Variants in TCERG1L observed in about 807,000 individuals in gnomAD.
TCERG1L encodes the protein transcription elongation regulator 1-like protein.
A neutral mutation model predicts 56.3 loss-of-function variants in TCERG1L; 37 were observed. The observed-to-expected ratio is 0.66, with a 90% confidence interval of 0.51 to 0.87. The LOEUF (loss-of-function observed/expected upper bound fraction) is 0.87, where lower values mean the gene tolerates loss of function less well. Among genes scored for constraint, TCERG1L ranks in the 40% least tolerant of loss-of-function variants. The probability of loss-of-function intolerance (pLI) is 0.00; values close to 1 mark genes in which losing one functional copy is unlikely to be tolerated. For synonymous variants in TCERG1L, 324 were observed against 326.3 expected (o/e 0.99, Z 0.08); for missense variants, 799 against 774.2 (o/e 1.03, Z -0.38).
chr10:131,283,921 G>A (rs139392437), intron 3 of TCERG1L, among the ~76,000 whole-genome samples: 3,845 of 151,990 alleles, frequency 0.025, 88 homozygotes, highest in East Asian at 0.075. Context: ...TCAGGAGTTC[G>A]AGACCAGGCT....
In TCERG1L at chr10:131,147,180, G is replaced by A. The variant is rs368278900; in HGVS notation, c.1035-520C>T. Among the ~76,000 whole-genome samples, 57 of 152,196 alleles carry A rather than the reference G, an allele frequency of 3.7e-4. 1 individual carries two copies. The East Asian group carries it at 8.5e-3, about 23-fold the overall frequency. On this transcript the variant is annotated intron_variant, in intron 6 of 11. Transcript: ENST00000368642. Reference sequence around the variant, plus strand: ...TGCTGTCATTAGCAACCACAGCCCCGGTGTCCTGCTCATTTGTGGATGGGC... The same window carrying A: ...TGCTGTCATTAGCAACCACAGCCCCAGTGTCCTGCTCATTTGTGGATGGGC...
intron 6 of TCERG1L, among the ~76,000 whole-genome samples, chr10:131,154,819 C>G (rs1016473921): frequency 1.4e-4 from 21 of 152,258 alleles, no homozygotes; most frequent in Non-Finnish European, 2.6e-4. Flanking sequence ...GACAAGGACA[C>G]GAGCGTGCAA....
At chr10:131,127,016 T>C (rs1012786905) in intron 8 of TCERG1L, among the ~76,000 whole-genome samples, 2 of 152,162 alleles carry the variant, frequency 1.3e-5, no homozygotes, top group African/African-American at 2.4e-5. Context: ...TTCTTGTCTC[T>C]ACTTGCTGCC....
intron 3 of TCERG1L, among the ~76,000 whole-genome samples, chr10:131,283,609 T>A (rs1846488026): frequency 6.6e-6 from 1 of 152,232 alleles, no homozygotes; most frequent in African/African-American, 2.4e-5. Flanking sequence ...ATACTAATTG[T>A]ATATGAAATG....
chr10:131,307,164 A>C (rs948657365), intron 3 of TCERG1L, among the ~76,000 whole-genome samples: 2 of 152,214 alleles, frequency 1.3e-5, no homozygotes, highest in Non-Finnish European at 2.9e-5. Context: ...TTAGTGTAAA[A>C]TGTTTATAAA....
chr10:131,219,138 T>C (rs1003797951), intron 4 of TCERG1L, among the ~76,000 whole-genome samples: 7 of 152,088 alleles, frequency 4.6e-5, no homozygotes, highest in African/African-American at 1.4e-4. Flanking sequence ...CCCGCAGTCA[T>C]GATGGCCCTC....
At chr10:131,101,194 C>A (rs1845301127) in intron 10 of TCERG1L, among the ~76,000 whole-genome samples, 1 of 152,238 alleles carries the variant, frequency 6.6e-6, no homozygotes, top group Non-Finnish European at 1.5e-5. Context: ...AAGGTCCAGC[C>A]TCACAGTGCT....
intron 9 of TCERG1L, among the ~76,000 whole-genome samples, chr10:131,111,667 C>T (rs1353823107): frequency 1.4e-5 from 2 of 142,914 alleles, no homozygotes; most frequent in African/African-American, 4.9e-5. Context: ...CCTCGCACAG[C>T]CTGACCTTCC....
At chr10:131,204,624 G>A (rs554073176) in intron 4 of TCERG1L, among the ~76,000 whole-genome samples, 4 of 152,362 alleles carry the variant, frequency 2.6e-5, no homozygotes, top group South Asian at 2.1e-4. Context: ...ATCCAAAGGT[G>A]TGTGTCCTCA....
intron 4 of TCERG1L, among the ~76,000 whole-genome samples, chr10:131,245,824 G>A (rs534268526): frequency 1.3e-5 from 2 of 152,212 alleles, no homozygotes; most frequent in Non-Finnish European, 2.9e-5. Flanking sequence ...CTGTGGGGTG[G>A]GCTGCAGGGC....
intron 4 of TCERG1L, among the ~76,000 whole-genome samples, chr10:131,206,147 T>G (rs1424031422): frequency 6.6e-6 from 1 of 152,168 alleles, no homozygotes; most frequent in Non-Finnish European, 1.5e-5. Flanking sequence ...ACAGGCGGAT[T>G]TGAAGGATGT....
intron 11 of TCERG1L, among the ~76,000 whole-genome samples, chr10:131,096,061 C>A (rs563878658): frequency 6.6e-6 from 1 of 152,340 alleles, no homozygotes; most frequent in South Asian, 2.1e-4. Context: ...GCTCCTCCTG[C>A]CTGCCAGGCA....
chr10:131,221,568 C>T (rs1845732032), intron 4 of TCERG1L, among the ~76,000 whole-genome samples: 1 of 152,180 alleles, frequency 6.6e-6, no homozygotes, highest in African/African-American at 2.4e-5. Context: ...GGATGTGGCA[C>T]TCAGAAGATA....
intron 11 of TCERG1L, among the ~76,000 whole-genome samples, chr10:131,094,835 T>G (rs926377389): frequency 6.6e-6 from 1 of 152,196 alleles, no homozygotes; most frequent in African/African-American, 2.4e-5. Flanking sequence ...CAGACTTGCC[T>G]GGGCTTGTTC....
At position 131,285,511 on chromosome 10, in the gene TCERG1L, AGAAAGAAAGAAAGAGAG is replaced by A. The variant is rs1248782044; in HGVS notation, c.670+22683_670+22699del. Among the ~76,000 whole-genome samples the A allele has an allele frequency of 4.7e-3, 84 of 18,064 alleles. 9 individuals carry two copies. Among genetic ancestry groups the A allele is most frequent in the African/African-American group, 7.4e-3 (77 of 10,428 alleles). The allele number at this position is 18,064 out of a possible 152,430, so 11.9% of individuals were successfully genotyped here. On this transcript the variant is annotated intron_variant, in intron 3 of 11. Coordinates refer to ENST00000368642, the MANE Select transcript of TCERG1L (RefSeq NM_174937.4). ...AAGAAAGAAAGAAAGAAAGAAAGAA[AGAAAGAAAGAAAGAGAG>A]AAAGAAAAGAAAAGAAAGAAAGGAA...
At chr10:131,217,775 G>T (rs1845686778) in intron 4 of TCERG1L, among the ~76,000 whole-genome samples, 2 of 136,576 alleles carry the variant, frequency 1.5e-5, no homozygotes, top group Admixed American at 1.7e-4. Context: ...AAGCTGGAGT[G>T]CAGTGGCACA....
intron 3 of TCERG1L, among the ~76,000 whole-genome samples, chr10:131,268,595 T>C (rs1589767360): frequency 6.6e-6 from 1 of 152,204 alleles, no homozygotes; most frequent in Non-Finnish European, 1.5e-5. Flanking sequence ...GGCTGTTTCA[T>C]CTGCATTGCA....
At chr10:131,109,570 G>C (rs1331601016) in intron 9 of TCERG1L, among the ~76,000 whole-genome samples, 1 of 152,166 alleles carries the variant, frequency 6.6e-6, no homozygotes, top group Non-Finnish European at 1.5e-5. Context: ...GCTGGAGTGA[G>C]AGTGTTTGAC....
intron 7 of TCERG1L, among the ~76,000 whole-genome samples, chr10:131,138,706 A>G (rs1845700888): frequency 6.6e-6 from 1 of 152,242 alleles, no homozygotes; most frequent in African/African-American, 2.4e-5. Context: ...ACACTGCTTC[A>G]TCATTGCAGA....
Sources: gnomAD v4.1 joint callset for allele counts (sites outside exome capture counted in the v4.1 genomes callset) on GRCh38, gnomAD v4.1.1 for gene constraint, MANE v1.5 for transcripts, NCBI Gene and HGNC (gene_info 2026-07-23, HGNC 2026-07-21) for gene names.